ADAM8: variants seen among roughly 807,000 people sequenced by gnomAD.
ADAM8 encodes the protein ADAM metallopeptidase domain 8.
In ADAM8, 104 loss-of-function variants were observed where a neutral mutation model predicts 102.4. That is an observed-to-expected ratio of 1.02 (90% CI 0.87 to 1.20). The LOEUF (loss-of-function observed/expected upper bound fraction) is 1.20. Ranked by LOEUF, ADAM8 falls within the 50% of genes most tolerant of loss-of-function variation. The pLI, the probability that ADAM8 is intolerant of heterozygous loss-of-function variation, is 0.00. For missense variants in ADAM8, 1,132 were observed against 1,159.0 expected (o/e 0.98, Z 0.34); for synonymous variants, 517 against 485.2 (o/e 1.07, Z -0.86).
chr10:133,269,528 A>G lies in ADAM8; in HGVS notation c.1865T>C (p.Val622Ala). Reference sequence around the variant, plus strand: ...GTGGCACTCCTGCTTGTGGTTGCACACCTGCGGGGACGGCTGGGCTCAGGG... The same window carrying G: ...GTGGCACTCCTGCTTGTGGTTGCACGCCTGCGGGGACGGCTGGGCTCAGGG... ...NCSAQCHNHGVCNHKQECHCH... is the reference protein window; with the variant it reads ...NCSAQCHNHGACNHKQECHCH... The change falls in exon 18 of 23, where the codon GTG (valine) becomes GCG (alanine). Residue 622 changes from valine (V) to alanine (A), a missense_variant and splice_region_variant. Coordinates refer to ENST00000445355, the MANE Select transcript of ADAM8 (RefSeq NM_001109.5). 1.3e-6 allele frequency: 2 copies of G among 1,593,336 alleles called. No individual in the cohort carries two copies. The highest frequency in any genetic ancestry group is 8.5e-7 in the Non-Finnish European group (1 of 1,175,802).
intron 17 of ADAM8, among the ~76,000 whole-genome samples, 172 bp from the exon 18 acceptor site, chr10:133,269,701 G>A (rs144214133): frequency 1.2e-3 from 185 of 152,328 alleles, no homozygotes; most frequent in African/African-American, 4.4e-3. Flanking sequence ...CCGCTGCCCG[G>A]TGACCATGCA....
In ADAM8 at chr10:133,265,618, C is replaced by T. The variant is rs190717825; in HGVS notation, c.2319+1734G>A. ...CATCTTGGCTAACACAGTGAAACCCCGTCTCTACTGAAAAAAAAAATACAA... is the reference window on the plus strand; with the variant it reads ...CATCTTGGCTAACACAGTGAAACCCTGTCTCTACTGAAAAAAAAAATACAA... On this transcript the variant is annotated intron_variant, in intron 21 of 22. Coordinates refer to ENST00000445355, the MANE Select transcript of ADAM8 (RefSeq NM_001109.5). Among the ~76,000 whole-genome samples the T allele has an allele frequency of 3.9e-4, 59 of 151,906 alleles. 1 individual carries two copies. The East Asian group carries it at 0.011, about 28-fold the overall frequency.
chr10:133,268,095 A>G lies in ADAM8; in HGVS notation c.2087T>C (p.Met696Thr). ...GTGGAACAGGGGGTTGGAGCGCCCC[A>G]TTGTGGTCTTGGGAGCCACGTTCCT... Reference protein sequence around the residue: ...LSRNVAPKTTMGRSNPLFHQA... With the variant: ...LSRNVAPKTTTGRSNPLFHQA... The change falls in exon 20 of 23, where the codon ATG (methionine) becomes ACG (threonine). Residue 696 changes from methionine to threonine, a missense_variant. Met to Thr is a moderately conservative substitution (Grantham distance 81, BLOSUM62 -1). Transcript: ENST00000445355. 1 of 1,274,236 alleles carries G rather than the reference A, an allele frequency of 7.8e-7. No individual in the cohort carries two copies. Among genetic ancestry groups the G allele is most frequent in the Non-Finnish European group, 1.0e-6 (1 of 1,002,890 alleles). The allele number at this position is 1,274,236 out of a possible 1,614,324, so 78.9% of individuals were successfully genotyped here. A position where few individuals can be genotyped will look rare whatever the true frequency, so the allele number is the denominator to read the frequency against.
At chr10:133,268,939 G>C in intron 18 of ADAM8, 77 bp from the exon 19 acceptor site, 1 of 1,545,294 alleles carries the variant, frequency 6.5e-7, no homozygotes, top group Non-Finnish European at 8.7e-7. Flanking sequence ...CCAGAGACAC[G>C]GTCTTTCTCA....
chr10:133,270,670 C>T (rs771227437), intron 15 of ADAM8, 66 bp downstream of exon 15: 1 of 1,559,778 alleles, frequency 6.4e-7, no homozygotes, highest in South Asian at 1.2e-5. Flanking sequence ...TTTGCAGAGG[C>T]CCTTCTGGGG....
chr10:133,274,600 G>T (rs1846679573), intron 2 of ADAM8, among the ~76,000 whole-genome samples: 1 of 151,972 alleles, frequency 6.6e-6, no homozygotes, highest in Admixed American at 6.6e-5. Flanking sequence ...GTGCTCCTCG[G>T]TCCTCCCAGG....
intron 21 of ADAM8, among the ~76,000 whole-genome samples, chr10:133,266,929 T>C (rs944364297): frequency 1.3e-5 from 2 of 152,130 alleles, no homozygotes; most frequent in Non-Finnish European, 2.9e-5. Context: ...CTCCAGTGAT[T>C]CGGGTTTTGA....
intron 12 of ADAM8, 49 bp from the exon 13 acceptor site, chr10:133,271,338 G>A: frequency 6.3e-7 from 1 of 1,576,804 alleles, no homozygotes; most frequent in South Asian, 1.1e-5. Context: ...GCCGGGCTGG[G>A]CTCCAGGGCG....
chr10:133,270,386 C>A lies in ADAM8; in HGVS notation c.1759G>T (p.Glu587Ter). The A allele has an allele frequency of 6.3e-7, 1 of 1,591,320 alleles. No homozygotes were observed. Among genetic ancestry groups the A allele is most frequent in the Middle Eastern group, 1.7e-4 (1 of 5,782 alleles). Residue 587 changes from glutamate to a stop codon, truncating the protein, a stop_gained, in exon 16 of 23, where the codon GAG becomes TAG. Transcript: ENST00000445355. LOFTEE classifies it high-confidence loss of function. ...EDGTAYEPVP[E>*]GTRCGPEKVC... The stretch of plus-strand genomic sequence containing the variant: ...TTCTCTGGTCCACACCGGGTGCCCT[C>A]GGGCACTGGTTCATACGCAGTGCCA...
Position 133,271,811 on chromosome 10 carries a change from G to A in ADAM8, c.1101C>T (p.Ser367=), listed in dbSNP as rs763821001. The A allele has an allele frequency of 2.5e-6, 4 of 1,608,334 alleles. No individual in the cohort carries two copies. Among genetic ancestry groups the A allele is most frequent in the Admixed American group, 3.3e-5 (2 of 59,786 alleles). The change falls in exon 11 of 23, where the codon AGC becomes AGT. Residue 367 remains serine, a synonymous_variant. Transcript: ENST00000445355. ...FEAGRCIMAG[S]IGSSFPRMFS... is the part of the protein sequence containing the mutation. ...GCAGGGCCTGGCCGCCTCACCCAAT[G>A]CTGCCCGCCATGATGCAGCGGCCGG...
rs545356253 is a variant in ADAM8 at position 133,273,368 on chromosome 10, G to A, written c.459C>T (p.Ala153=). 56 of 1,556,464 alleles carry A rather than the reference G, an allele frequency of 3.6e-5. No individual in the cohort carries two copies. Among genetic ancestry groups the A allele is most frequent in the Middle Eastern group, 3.6e-4 (2 of 5,554 alleles). Residue 153 remains alanine, a synonymous_variant, in exon 6 of 23, where the codon GCC becomes GCT. Transcript: ENST00000445355. ...LDEGGEGGRH[A]VYQAEHLLQT... Reference sequence around the variant, plus strand: ...GCAGCAGGTGCTCAGCCTGGTACACGGCGTGCCGTCCGCCCTCGCCACCTT... The same window carrying A: ...GCAGCAGGTGCTCAGCCTGGTACACAGCGTGCCGTCCGCCCTCGCCACCTT...
intron 17 of ADAM8, 35 bp from the exon 18 acceptor site, chr10:133,269,564 T>C: frequency 6.4e-7 from 1 of 1,555,332 alleles, no homozygotes; most frequent in Non-Finnish European, 8.7e-7. Flanking sequence ...CCAACCCTGT[T>C]GTGGACCCCA....
At chr10:133,276,676 G>A in intron 1 of ADAM8, 96 bp downstream of exon 1, 1 of 1,460,106 alleles carries the variant, frequency 6.8e-7, no homozygotes, top group Non-Finnish European at 9.0e-7. Context: ...GGTGCGGGGT[G>A]CGAGCAGGCC....
intron 21 of ADAM8, among the ~76,000 whole-genome samples, chr10:133,265,026 C>T (rs58616665): frequency 1.4e-5 from 2 of 146,348 alleles, no homozygotes; most frequent in African/African-American, 2.6e-5. Context: ...CCTCCACGCC[C>T]GGCTCCTGCT....
At chr10:133,275,031 T>C (rs376340395) in intron 2 of ADAM8, 2 of 295,016 alleles carry the variant, frequency 6.8e-6, no homozygotes, top group Non-Finnish European at 1.3e-5. Context: ...TGCACATGTG[T>C]GCACACCCAC....
intron 10 of ADAM8, 101 bp from the exon 11 acceptor site, chr10:133,272,055 C>A: frequency 6.4e-7 from 1 of 1,550,406 alleles, no homozygotes; most frequent in South Asian, 1.1e-5. Context: ...TTCCCGCCAA[C>A]ACCACCTTAA....
At chr10:133,271,459 C>A in intron 12 of ADAM8, 69 bp downstream of exon 12, 1 of 1,497,062 alleles carries the variant, frequency 6.7e-7, no homozygotes, top group Non-Finnish European at 9.0e-7. Context: ...GCAGTGGTCA[C>A]CCTGGCCTGA....
At position 133,263,056 on chromosome 10, in the gene ADAM8, G is replaced by C; in HGVS notation, c.*100C>G. The C allele has an allele frequency of 7.2e-7, 1 of 1,395,408 alleles. No individual in the cohort carries two copies. The highest frequency in any genetic ancestry group is 1.0e-6 in the Non-Finnish European group (1 of 981,428). The allele number at this position is 1,395,408 out of a possible 1,614,324, so 86.4% of individuals were successfully genotyped here. A position where few individuals can be genotyped will look rare whatever the true frequency, so the allele number is the denominator to read the frequency against. On this transcript the variant is annotated 3_prime_UTR_variant, in exon 23 of 23. Coordinates refer to ENST00000445355, the MANE Select transcript of ADAM8 (RefSeq NM_001109.5). The stretch of plus-strand genomic sequence containing the variant: ...ACAGCAGCTGAGCCTGCAAAGTCAG[G>C]GTCTAGGGCTGAGCGGCACTAGCTG...
rs1202639112 is a variant in ADAM8, at chr10:133,263,709, C to T, written c.2376G>A (p.Ala792=). The T allele has an allele frequency of 1.3e-5, 20 of 1,541,990 alleles. No homozygotes were observed. Among genetic ancestry groups the T allele is most frequent in the East Asian group, 4.9e-5 (2 of 40,538 alleles). Residue 792 remains alanine (A), a synonymous_variant, in exon 22 of 23, where the codon GCG becomes GCA. Transcript: ENST00000445355. ...TCACCTCAGCTGGACCAGGGTTGGC[C>T]GCACCAGCCCCGGGTTTGACTGGGG... The part of the protein sequence containing the change: ...PVPPVKPGAG[A]ANPGPAEGAV...
Sources: allele counts gnomAD v4.1 joint callset (sites outside exome capture counted in the v4.1 genomes callset), GRCh38; gene constraint gnomAD v4.1.1; transcripts MANE v1.5; gene names NCBI Gene and HGNC (gene_info 2026-07-23, HGNC 2026-07-21).